Variants in SLC26A7 observed in about 807,000 individuals in gnomAD.
SLC26A7 encodes the protein solute carrier family 26 member 7.
A neutral mutation model predicts 82.5 loss-of-function variants in SLC26A7; 59 were observed. The observed-to-expected ratio is 0.72, with a 90% CI of 0.58 to 0.89. The LOEUF is 0.89. Ranked by LOEUF, SLC26A7 falls within the 40% of genes least tolerant of loss-of-function variation. The pLI is 0.00. For synonymous variants in SLC26A7, 271 were observed against 274.3 expected (o/e 0.99, Z 0.12); for missense variants, 820 against 793.0 (o/e 1.03, Z -0.41).
intron 15 of SLC26A7, among the ~76,000 whole-genome samples, chr8:91,380,894 A>G (rs1472203237): frequency 2.0e-5 from 3 of 152,206 alleles, no homozygotes; most frequent in African/African-American, 7.2e-5. Flanking sequence ...TCAGGTGTCC[A>G]ACTAAAGCAG....
intron 9 of SLC26A7, among the ~76,000 whole-genome samples, chr8:91,346,237 A>G (rs1813560188): frequency 1.3e-5 from 2 of 152,144 alleles, no homozygotes; most frequent in South Asian, 4.1e-4. Flanking sequence ...CAGGGAAAGA[A>G]TCTAATTTAA....
At chr8:91,352,408 C>T (rs2130857096) in intron 10 of SLC26A7, among the ~76,000 whole-genome samples, 1 of 152,182 alleles carries the variant, frequency 6.6e-6, no homozygotes, top group South Asian at 2.1e-4. Context: ...TCTAATTTTT[C>T]ATGTGTGTAG....
chr8:91,233,169 T>C (rs533737203), intron 2 of SLC26A7, among the ~76,000 whole-genome samples: 35 of 152,210 alleles, frequency 2.3e-4, no homozygotes, highest in African/African-American at 7.7e-4. Flanking sequence ...TTAAGATTCA[T>C]TGGATTGAGG....
At chr8:91,356,106 A>G (rs532007050) in intron 11 of SLC26A7, among the ~76,000 whole-genome samples, 1 of 151,998 alleles carries the variant, frequency 6.6e-6, no homozygotes, top group African/African-American at 2.4e-5. Flanking sequence ...CATGTGCCAC[A>G]TTTTCTTAAT....
chr8:91,300,803 G>A (rs1405491996), intron 4 of SLC26A7, among the ~76,000 whole-genome samples: 2 of 152,228 alleles, frequency 1.3e-5, no homozygotes, highest in Non-Finnish European at 2.9e-5. Flanking sequence ...TGTGAAAACA[G>A]TGGGCATTCT....
At chr8:91,311,722 G>A (rs3964630) in intron 4 of SLC26A7, among the ~76,000 whole-genome samples, 15,872 of 152,202 alleles carry the variant, frequency 0.1, 960 homozygotes, top group Middle Eastern at 0.21. Context: ...TTTCTCCAGA[G>A]GATTCTGTGG....
At chr8:91,237,011 A>G (rs1412548178) in intron 2 of SLC26A7, among the ~76,000 whole-genome samples, 1 of 152,220 alleles carries the variant, frequency 6.6e-6, no homozygotes, top group Non-Finnish European at 1.5e-5. Context: ...TTACAAAGCT[A>G]AGAAGTGACA....
At chr8:91,219,032 C>A in intron 2 of SLC26A7, 1 of 1,249,456 alleles carries the variant, frequency 8.0e-7, no homozygotes, top group South Asian at 1.4e-5. Context: ...TAGCCTCACT[C>A]CACTTGCCCT....
At chr8:91,218,194 GA>G (rs1810089771) in intron 1 of SLC26A7, among the ~76,000 whole-genome samples, 1 of 152,140 alleles carries the variant, frequency 6.6e-6, no homozygotes, top group Non-Finnish European at 1.5e-5. Flanking sequence ...ACCAGTTGTG[GA>G]AATCTTTTGG....
chr8:91,359,806 C>A (rs906457849), intron 11 of SLC26A7, among the ~76,000 whole-genome samples: 5 of 151,748 alleles, frequency 3.3e-5, no homozygotes, highest in African/African-American at 9.7e-5. Flanking sequence ...ATACCCAATA[C>A]GTATAATGTC....
At chr8:91,380,755 A>G (rs938940509) in intron 15 of SLC26A7, among the ~76,000 whole-genome samples, 3 of 152,206 alleles carry the variant, frequency 2.0e-5, no homozygotes, top group Admixed American at 6.5e-5. Context: ...GAAGATACAC[A>G]TATCCTGTGA....
rs1006121011 is a variant in SLC26A7, at chr8:91,395,720, G to T, written c.*623G>T. ...AGTATTCAGGAATGTTTTCATAATC[G>T]AAAGAAACGGGTATCCAAATAAAAC... On this transcript the variant is annotated 3_prime_UTR_variant, in exon 19 of 19. Transcript: ENST00000276609. 2 of 151,928 alleles carry T rather than the reference G, an allele frequency of 1.3e-5. No individual in the cohort carries two copies. The highest frequency in any genetic ancestry group is 2.9e-5 in the Non-Finnish European group (2 of 67,934). 9.4% of individuals were successfully genotyped at this position (151,928 alleles called of 1,614,324 possible). A position where few individuals can be genotyped will look rare whatever the true frequency, so the allele number is the denominator to read the frequency against.
chr8:91,374,621 A>G (rs1814457743), intron 15 of SLC26A7, among the ~76,000 whole-genome samples: 1 of 151,694 alleles, frequency 6.6e-6, no homozygotes, highest in South Asian at 2.1e-4. Flanking sequence ...TTTTTTTGGA[A>G]TTTATTTAGA....
chr8:91,233,543 G>A (rs1210252899), intron 2 of SLC26A7, among the ~76,000 whole-genome samples: 1 of 151,252 alleles, frequency 6.6e-6, no homozygotes, highest in Non-Finnish European at 1.5e-5. Flanking sequence ...CTCCAGCCTG[G>A]GCAACAGAGC....
chr8:91,338,955 G>T (rs1813321264), intron 7 of SLC26A7, among the ~76,000 whole-genome samples: 1 of 151,900 alleles, frequency 6.6e-6, no homozygotes, highest in South Asian at 2.1e-4. Flanking sequence ...CCAAATTTTT[G>T]TTTCTAATTA....
chr8:91,292,319 A>AG (rs1811894619), intron 3 of SLC26A7, among the ~76,000 whole-genome samples: 1 of 152,052 alleles, frequency 6.6e-6, no homozygotes, highest in African/African-American at 2.4e-5. Flanking sequence ...AAAAAAAAAA[A>AG]AAGAAGATAA....
intron 1 of SLC26A7, 49 bp from the exon 2 acceptor site, chr8:91,249,490 T>A (rs1190261205): frequency 2.2e-6 from 1 of 453,848 alleles, no homozygotes; most frequent in Non-Finnish European, 3.8e-6. Context: ...GAAGTGCTTC[T>A]GTTAATCTCT....
chr8:91,285,591 A>T (rs938702101), intron 2 of SLC26A7, among the ~76,000 whole-genome samples: 12 of 152,280 alleles, frequency 7.9e-5, no homozygotes, highest in Admixed American at 6.5e-4. Flanking sequence ...CCCATAAAGC[A>T]TAAAGAAGTG....
chr8:91,273,675 C>T (rs35305302), intron 2 of SLC26A7, among the ~76,000 whole-genome samples: 13,076 of 152,102 alleles, frequency 0.086, 832 homozygotes, highest in African/African-American at 0.18. Context: ...CAAATAACTT[C>T]GTGACTTTTC....
Sources: allele counts gnomAD v4.1 joint callset (sites outside exome capture counted in the v4.1 genomes callset), GRCh38; gene constraint gnomAD v4.1.1; transcripts MANE v1.5; gene names NCBI Gene and HGNC (gene_info 2026-07-23, HGNC 2026-07-21).